Variants in LIMK2 observed in about 807,000 individuals in gnomAD.
The protein encoded by LIMK2 is LIM domain kinase 2.
Under a neutral mutation model 75.7 loss-of-function variants are expected in LIMK2, and 35 were observed. That is an observed-to-expected ratio of 0.46 (90% confidence interval 0.35 to 0.61). LIMK2 has a LOEUF of 0.61. Ranked by LOEUF, LIMK2 falls within the 20% of genes least tolerant of loss-of-function variation. The pLI, the probability that LIMK2 is intolerant of heterozygous loss-of-function variation, is 0.00. For missense variants in LIMK2, 623 were observed against 831.0 expected (o/e 0.75, Z 3.08); for synonymous variants, 301 against 319.2 (o/e 0.94, Z 0.61).
intron 13 of LIMK2, 31 bp from the exon 14 acceptor site, chr22:31,273,421 C>A: frequency 1.2e-6 from 2 of 1,601,860 alleles, no homozygotes; most frequent in Non-Finnish European, 1.7e-6. Context: ...GGGATGTAAA[C>A]TTAACAGTGT....
At chr22:31,238,199 C>T (rs2048596126) in intron 2 of LIMK2, among the ~76,000 whole-genome samples, 1 of 150,612 alleles carries the variant, frequency 6.6e-6, no homozygotes, top group Non-Finnish European at 1.5e-5. Flanking sequence ...TGAAGCAAAA[C>T]TAGTACTGTA....
At chr22:31,246,758 C>CAA (rs11317931) in intron 2 of LIMK2, among the ~76,000 whole-genome samples, 4 of 112,982 alleles carry the variant, frequency 3.5e-5, no homozygotes, top group Admixed American at 9.1e-5. Flanking sequence ...GACCCTGACT[C>CAA]AAAAAAAAAA....
At chr22:31,255,354 G>A (rs1378497841) in intron 2 of LIMK2, among the ~76,000 whole-genome samples, 1 of 152,198 alleles carries the variant, frequency 6.6e-6, no homozygotes, top group East Asian at 1.9e-4. Context: ...TCACTGTGCA[G>A]TTTTGAGACA....
At chr22:31,264,234 T>C (rs1476113587) in intron 7 of LIMK2, among the ~76,000 whole-genome samples, 1 of 152,124 alleles carries the variant, frequency 6.6e-6, no homozygotes, top group Non-Finnish European at 1.5e-5. Flanking sequence ...CAGGTATCTG[T>C]AGAGCCACCA....
intron 5 of LIMK2, among the ~76,000 whole-genome samples, chr22:31,261,463 A>G (rs5749243): frequency 0.79 from 119,966 of 151,864 alleles, 48,350 homozygotes; most frequent in African/African-American, 0.95. Flanking sequence ...GGAGAATGGC[A>G]TGAACCTAGG....
At chr22:31,269,286 C>CGAA (rs2048930982) in intron 11 of LIMK2, among the ~76,000 whole-genome samples, 47 of 95,478 alleles carry the variant, frequency 4.9e-4, no homozygotes, top group African/African-American at 1.7e-3. Context: ...ATTTTTTTTT[C>CGAA]TTTTTTTTTT....
chr22:31,246,063 C>T (rs1443733698), intron 2 of LIMK2, among the ~76,000 whole-genome samples: 1 of 151,880 alleles, frequency 6.6e-6, no homozygotes, highest in African/African-American at 2.4e-5. Context: ...GTCCCAGCTA[C>T]TTGGGAGGCT....
chr22:31,236,893 G>T (rs924084106), intron 2 of LIMK2, among the ~76,000 whole-genome samples: 1 of 149,044 alleles, frequency 6.7e-6, no homozygotes, highest in Non-Finnish European at 1.5e-5. Flanking sequence ...CTCCAGCCTG[G>T]GAGACAGAGC....
chr22:31,257,295 A>G (rs2048794390), intron 2 of LIMK2, among the ~76,000 whole-genome samples: 1 of 152,112 alleles, frequency 6.6e-6, no homozygotes, highest in Non-Finnish European at 1.5e-5. Context: ...AGAAAAGTTG[A>G]AAATGTAGTT....
intron 15 of LIMK2, chr22:31,277,136 A>G (rs1353281522): frequency 6.2e-7 from 1 of 1,613,738 alleles, no homozygotes; most frequent in Non-Finnish European, 8.5e-7. Flanking sequence ...CCCCAGAAGA[A>G]GTGAGGGTCC....
intron 2 of LIMK2, among the ~76,000 whole-genome samples, chr22:31,245,230 C>T (rs1199188588): frequency 6.6e-6 from 1 of 152,182 alleles, no homozygotes; most frequent in Non-Finnish European, 1.5e-5. Flanking sequence ...AGTGGTTGAG[C>T]TCTGTGGTTC....
At chr22:31,244,582 A>G (rs1171422910) in intron 2 of LIMK2, among the ~76,000 whole-genome samples, 1 of 152,066 alleles carries the variant, frequency 6.6e-6, no homozygotes, top group African/African-American at 2.4e-5. Context: ...TTTAAACTCA[A>G]CTTGAGACCC....
chr22:31,241,827 A>G (rs2048626182), intron 2 of LIMK2, among the ~76,000 whole-genome samples: 2 of 152,286 alleles, frequency 1.3e-5, no homozygotes, highest in South Asian at 2.1e-4. Flanking sequence ...GGGCTTTTGT[A>G]CTCATCATCT....
intron 2 of LIMK2, among the ~76,000 whole-genome samples, chr22:31,244,758 C>A (rs537852258): frequency 1.2e-4 from 19 of 152,320 alleles, no homozygotes; most frequent in African/African-American, 4.6e-4. Flanking sequence ...TAATGGCTAA[C>A]ATTTATCAAC....
At chr22:31,255,978 CTTTTTTTTTTTTTTTTTTTTTTTTT>C (rs567250437) in intron 2 of LIMK2, among the ~76,000 whole-genome samples, 2 of 29,638 alleles carry the variant, frequency 6.7e-5, no homozygotes, top group African/African-American at 1.2e-4. Context: ...TATATTGGGT[CTTTTTTTTTTTTTTTTTTTTTTTTT>C]TTTTTTTTTT....
chr22:31,212,545 C>T, intron 1 of LIMK2, 121 bp downstream of exon 1: 1 of 1,019,328 alleles, frequency 9.8e-7, no homozygotes, highest in Non-Finnish European at 1.3e-6. Context: ...TGGGTCCGAG[C>T]TCCTCAGAAA....
chr22:31,259,867 C>A, intron 4 of LIMK2, 22 bp from the exon 5 acceptor site: 7 of 1,579,612 alleles, frequency 4.4e-6, no homozygotes, highest in Non-Finnish European at 6.0e-6. Context: ...GCATCTTATT[C>A]CCCCCTGTGC....
At chr22:31,265,191 CAAAAAAAAA>C (rs35356989) in intron 7 of LIMK2, among the ~76,000 whole-genome samples, 43 of 34,500 alleles carry the variant, frequency 1.2e-3, no homozygotes, top group Middle Eastern at 0.022. Context: ...GAGACTCCAT[CAAAAAAAAA>C]AAAAAAAAAA....
Position 31,262,865 on chromosome 22 carries a change from C to T in LIMK2, c.854+74C>T. On this transcript the variant is annotated intron_variant, in intron 7 of 15. Coordinates refer to ENST00000331728, the MANE Select transcript of LIMK2 (RefSeq NM_005569.4). This position sits in a 1 kb window ranked among gnomAD's most constrained non-coding sequence, Gnocchi z 5.0. ...ATGAAGCTGAGCTGGCTTTCAGAAG[C>T]CTGCAGAGTTAGGAAAGGAACCAGC... The T allele has an allele frequency of 7.5e-7, 1 of 1,329,460 alleles. No individual in the cohort carries two copies. The highest frequency in any genetic ancestry group is 1.0e-6 in the Non-Finnish European group (1 of 986,966). 82.4% of individuals were successfully genotyped at this position (1,329,460 alleles called of 1,614,324 possible).
Sources: gnomAD v4.1 joint callset for allele counts (sites outside exome capture counted in the v4.1 genomes callset) on GRCh38, gnomAD v4.1.1 for gene constraint, Gnocchi (gnomAD v3.1) non-coding constraint, MANE v1.5 for transcripts, NCBI Gene and HGNC (gene_info 2026-07-23, HGNC 2026-07-21) for gene names.